The following SKAP2 variants were observed in gnomAD, a reference collection of about 807,000 sequenced individuals.
The protein encoded by SKAP2 is src kinase associated phosphoprotein 2, also known as src kinase-associated phosphoprotein 2.
In SKAP2, 28 loss-of-function variants were observed where a neutral mutation model predicts 54.9. That is an observed-to-expected ratio of 0.51 (90% CI 0.38 to 0.70). SKAP2 has a LOEUF of 0.70. Among genes scored for constraint, SKAP2 ranks in the 30% least tolerant of loss-of-function variants. The pLI is 0.00. For missense variants in SKAP2, 356 were observed against 424.1 expected (o/e 0.84, Z 1.41); for synonymous variants, 137 against 134.3 (o/e 1.02, Z -0.14).
chr7:26,801,205 T>C (rs963142309), intron 4 of SKAP2, among the ~76,000 whole-genome samples: 2 of 152,098 alleles, frequency 1.3e-5, no homozygotes, highest in Non-Finnish European at 2.9e-5. Flanking sequence ...GCTCAACATA[T>C]ACAAATCAAT....
chr7:26,752,967 G>C (rs370444258), intron 4 of SKAP2, among the ~76,000 whole-genome samples: 5 of 152,272 alleles, frequency 3.3e-5, no homozygotes, highest in Admixed American at 1.3e-4. Context: ...GTAATCATAT[G>C]TACACCTGGG....
In SKAP2 at chr7:26,753,931, C is replaced by CT. The variant is rs1782735769; in HGVS notation, c.308-13968dup. 3.9e-5 allele frequency among the ~76,000 whole-genome samples: 6 copies of CT among 152,264 alleles called. No homozygotes were observed. The South Asian group carries it at 1.2e-3, about 32-fold the overall frequency. Reference sequence around the variant, plus strand: ...TATTTATATCCCACCTTAATATCTACTTTCACAATTACTAACACTCCCATT... The same window carrying CT: ...TATTTATATCCCACCTTAATATCTACTTTTCACAATTACTAACACTCCCATT... On this transcript the variant is annotated intron_variant, in intron 4 of 12. Coordinates refer to ENST00000345317, the MANE Select transcript of SKAP2 (RefSeq NM_003930.5).
intron 9 of SKAP2, among the ~76,000 whole-genome samples, chr7:26,722,662 G>A (rs903063395): frequency 6.6e-6 from 1 of 151,942 alleles, no homozygotes; most frequent in African/African-American, 2.4e-5. Flanking sequence ...ACCTAACTCG[G>A]CCTCCCAAAG....
At chr7:26,819,939 A>G (rs944493710) in intron 4 of SKAP2, among the ~76,000 whole-genome samples, 33 of 152,352 alleles carry the variant, frequency 2.2e-4, no homozygotes, top group Middle Eastern at 3.4e-3. Context: ...ATATGGATAC[A>G]TGTAAGTTTT....
chr7:26,718,022 T>C (rs374239818), intron 9 of SKAP2, among the ~76,000 whole-genome samples: 10 of 151,726 alleles, frequency 6.6e-5, no homozygotes, highest in Admixed American at 2.6e-4. Context: ...ATTATATATA[T>C]ATACATACAT....
chr7:26,786,135 C>T (rs767782548), intron 4 of SKAP2, among the ~76,000 whole-genome samples: 2 of 152,142 alleles, frequency 1.3e-5, no homozygotes, highest in Non-Finnish European at 2.9e-5. Context: ...AGGGCTGTAC[C>T]GGCAATTCTA....
chr7:26,788,672 A>C (rs910018913), intron 4 of SKAP2, among the ~76,000 whole-genome samples: 4 of 152,188 alleles, frequency 2.6e-5, no homozygotes, highest in Admixed American at 2.6e-4. Context: ...TATGAGCACA[A>C]AATGCAACTC....
At chr7:26,752,093 G>C (rs1782698569) in intron 4 of SKAP2, among the ~76,000 whole-genome samples, 1 of 152,128 alleles carries the variant, frequency 6.6e-6, no homozygotes, top group African/African-American at 2.4e-5. Context: ...TTAGAAGTCA[G>C]GGTGGAACAG....
intron 4 of SKAP2, among the ~76,000 whole-genome samples, chr7:26,796,352 T>C (rs1365746556): frequency 6.6e-6 from 1 of 150,876 alleles, no homozygotes; most frequent in Admixed American, 6.6e-5. Context: ...TTGACACTAA[T>C]CATCTCCATG....
At chr7:26,840,694 AT>A (rs1242506014) in intron 4 of SKAP2, among the ~76,000 whole-genome samples, 2 of 152,092 alleles carry the variant, frequency 1.3e-5, no homozygotes, top group Non-Finnish European at 2.9e-5. Context: ...AACTATTACG[AT>A]TTTTTTGTTT....
intron 4 of SKAP2, among the ~76,000 whole-genome samples, chr7:26,778,277 C>T (rs79996767): frequency 0.012 from 1,803 of 152,074 alleles, 36 homozygotes; most frequent in African/African-American, 0.041. Context: ...TGGGGAAATA[C>T]GACATTTAAT....
intron 4 of SKAP2, among the ~76,000 whole-genome samples, chr7:26,786,213 A>G (rs1281942443): frequency 6.6e-6 from 1 of 152,190 alleles, no homozygotes; most frequent in African/African-American, 2.4e-5. Context: ...TTTAACTAAG[A>G]TTAACATTTA....
chr7:26,854,195 T>C (rs772024283), intron 2 of SKAP2, 33 bp from the exon 3 acceptor site: 17 of 1,466,298 alleles, frequency 1.2e-5, no homozygotes, highest in Non-Finnish European at 1.6e-5. Context: ...TTAAATGAGG[T>C]TGAAAAATCA....
chr7:26,726,641 T>C (rs1787715676), intron 7 of SKAP2: 1 of 332,366 alleles, frequency 3.0e-6, no homozygotes, highest in South Asian at 4.7e-5. Flanking sequence ...GTGTGCAACA[T>C]GTGAAGTAAT....
Position 26,864,476 on chromosome 7 carries a change from T to G in SKAP2, c.-47A>C. 2 of 1,556,400 alleles carry G rather than the reference T, an allele frequency of 1.3e-6. No individual in the cohort carries two copies. The highest frequency in any genetic ancestry group is 1.7e-6 in the Non-Finnish European group (2 of 1,151,862). Reference sequence around the variant, plus strand: ...GGGGAAAGGACCTGCGCTGAAAAGGTGACCGACGGGGTGGGGCTGCGGCTG... The same window carrying G: ...GGGGAAAGGACCTGCGCTGAAAAGGGGACCGACGGGGTGGGGCTGCGGCTG... On this transcript the variant is annotated 5_prime_UTR_variant, in exon 1 of 13. Transcript: ENST00000345317.
chr7:26,782,945 A>G (rs1017610026), intron 4 of SKAP2, among the ~76,000 whole-genome samples: 4 of 152,162 alleles, frequency 2.6e-5, no homozygotes, highest in African/African-American at 9.7e-5. Flanking sequence ...GTATTTTGTT[A>G]CAGCAGCCTG....
chr7:26,735,858 T>C (rs1562591821), intron 6 of SKAP2, among the ~76,000 whole-genome samples: 2 of 152,130 alleles, frequency 1.3e-5, no homozygotes, highest in African/African-American at 4.8e-5. Context: ...TTAAAAACTG[T>C]CTAAAGACAG....
intron 10 of SKAP2, among the ~76,000 whole-genome samples, chr7:26,689,432 G>A (rs2127939624): frequency 6.6e-6 from 1 of 152,242 alleles, no homozygotes; most frequent in East Asian, 1.9e-4. Flanking sequence ...CTGCTATTTG[G>A]AAATAACAAC....
chr7:26,772,114 T>C (rs929579511), intron 4 of SKAP2, among the ~76,000 whole-genome samples: 10 of 152,356 alleles, frequency 6.6e-5, no homozygotes, highest in Non-Finnish European at 1.2e-4. Context: ...TGGTGAGCTA[T>C]AAAGGCAAAT....
Sources: gnomAD v4.1 joint callset for allele counts (sites outside exome capture counted in the v4.1 genomes callset) on GRCh38, gnomAD v4.1.1 for gene constraint, MANE v1.5 for transcripts, NCBI Gene and HGNC (gene_info 2026-07-23, HGNC 2026-07-21) for gene names.